The following FRMD6 variants were observed in gnomAD, a reference collection of about 807,000 sequenced individuals.
FRMD6 encodes FERM domain-containing protein 6.
A neutral mutation model predicts 73.2 loss-of-function variants in FRMD6; 37 were observed. That is an observed-to-expected ratio of 0.51 (90% CI 0.39 to 0.66). The LOEUF (loss-of-function observed/expected upper bound fraction) is 0.66. Ranked by LOEUF, FRMD6 falls within the 30% of genes least tolerant of loss-of-function variation. The pLI is 0.00. For missense variants in FRMD6, 714 were observed against 780.5 expected, an observed-to-expected ratio of 0.91 and a Z score of 1.02; for synonymous variants, 273 against 282.2, an observed-to-expected ratio of 0.97 and a Z score of 0.33.
intron 9 of FRMD6, among the ~76,000 whole-genome samples, chr14:51,712,925 A>G (rs1594773104): frequency 6.6e-6 from 1 of 152,234 alleles, no homozygotes; most frequent in South Asian, 2.1e-4. Flanking sequence ...AGCAAAGAAT[A>G]AAGAATTATA....
At chr14:51,651,409 A>T (rs1892363851), upstream of FRMD6, 2 of 152,164 alleles carry the variant, frequency 1.3e-5, no homozygotes, top group Non-Finnish European at 2.9e-5. Context: ...CTTTAGTAAG[A>T]CGACACTCAG....
intron 7 of FRMD6, among the ~76,000 whole-genome samples, chr14:51,710,761 T>G (rs1228485772): frequency 1.3e-5 from 2 of 152,174 alleles, no homozygotes; most frequent in Admixed American, 1.3e-4. Context: ...TTCATTTCTA[T>G]TTTGAACTTT....
the FRMD6 span, among the ~76,000 whole-genome samples, chr14:51,433,804 T>C: frequency 1.3e-5 from 2 of 152,212 alleles, no homozygotes; most frequent in Non-Finnish European, 2.9e-5. Context: ...CCCTCTCCCA[T>C]TATAATTAAT....
chr14:51,512,890 C>T (rs938677166), intron 1 of FRMD6, among the ~76,000 whole-genome samples: 2 of 152,218 alleles, frequency 1.3e-5, no homozygotes, highest in African/African-American at 4.8e-5. Context: ...GCCATGGCAG[C>T]ACTGACCACT....
At chr14:51,663,704 TTATC>T (rs1259721082) in intron 1 of FRMD6, among the ~76,000 whole-genome samples, 1 of 152,052 alleles carries the variant, frequency 6.6e-6, no homozygotes, top group Non-Finnish European at 1.5e-5. Flanking sequence ...TGACACAAGT[TTATC>T]TATATAACAA....
chr14:51,688,641 T>G (rs1201885940), intron 1 of FRMD6, among the ~76,000 whole-genome samples: 1 of 152,142 alleles, frequency 6.6e-6, no homozygotes, highest in African/African-American at 2.4e-5. Flanking sequence ...GTCCTACAAA[T>G]GTAGCTGGAA....
In FRMD6 at chr14:51,570,005, C is replaced by T. The variant is rs148233260; in HGVS notation, c.-209-343C>T. Among the ~76,000 whole-genome samples, 502 of 151,966 alleles carry T rather than the reference C, an allele frequency of 3.3e-3. 4 individuals are homozygous for T. The highest frequency in any genetic ancestry group is 0.011 in the African/African-American group (450 of 41,474). Reference sequence around the variant, plus strand: ...TAATTTTATGTATTTTTAGTAGAGACGGGGTTTCACCATGTTAGCCAGGAT... The same window carrying T: ...TAATTTTATGTATTTTTAGTAGAGATGGGGTTTCACCATGTTAGCCAGGAT... On this transcript the variant is annotated intron_variant, in intron 1 of 14. Coordinates refer to the FRMD6 transcript ENST00000356218.
At chr14:51,476,390 A>G in the FRMD6 span, among the ~76,000 whole-genome samples, 1 of 152,184 alleles carries the variant, frequency 6.6e-6, no homozygotes, top group African/African-American at 2.4e-5. Context: ...GGAGCAGGAG[A>G]GACCCCAACC....
chr14:51,567,124 A>G (rs1038466869), intron 1 of FRMD6, among the ~76,000 whole-genome samples: 5 of 152,216 alleles, frequency 3.3e-5, no homozygotes, highest in Non-Finnish European at 7.3e-5. Flanking sequence ...GTTCATGCAG[A>G]AACATAGGCC....
intron 1 of FRMD6, among the ~76,000 whole-genome samples, chr14:51,655,740 G>A (rs534423270): frequency 9.7e-4 from 148 of 152,230 alleles, no homozygotes; most frequent in African/African-American, 3.3e-3. Flanking sequence ...TGAGAAAAAA[G>A]GATCAGAATG....
chr14:51,533,010 A>G (rs1420335147), intron 1 of FRMD6, among the ~76,000 whole-genome samples: 2 of 152,212 alleles, frequency 1.3e-5, no homozygotes, highest in African/African-American at 4.8e-5. Context: ...ACTCTGAATA[A>G]TGTATCTTTA....
At chr14:51,579,161 G>C (rs960455268) in intron 2 of FRMD6, 4 of 152,080 alleles carry the variant, frequency 2.6e-5, no homozygotes, top group Admixed American at 1.3e-4. Context: ...AATATCCTCA[G>C]TTGAGTTTTC....
intron 7 of FRMD6, among the ~76,000 whole-genome samples, chr14:51,709,291 G>A (rs150035599): frequency 1.8e-3 from 279 of 152,288 alleles, no homozygotes; most frequent in African/African-American, 6.1e-3. Flanking sequence ...AAAGGGGACA[G>A]CAACATACCT....
intron 1 of FRMD6, among the ~76,000 whole-genome samples, chr14:51,522,309 C>A (rs187536200): frequency 1.3e-5 from 2 of 152,230 alleles, no homozygotes; most frequent in Admixed American, 1.3e-4. Context: ...TAAACAATAT[C>A]ATTTTTAGCT....
At chr14:51,686,000 T>A (rs182880868) in intron 1 of FRMD6, among the ~76,000 whole-genome samples, 2 of 152,214 alleles carry the variant, frequency 1.3e-5, no homozygotes, top group African/African-American at 4.8e-5. Flanking sequence ...TGTTGATACA[T>A]GCCTACTTAG....
intron 11 of FRMD6, 123 bp from the exon 12 acceptor site, chr14:51,721,826 G>A: frequency 9.4e-7 from 1 of 1,069,320 alleles, no homozygotes; most frequent in East Asian, 2.5e-5. Context: ...TCCTATTGGA[G>A]TCTCATTAGC....
chr14:51,687,690 G>A (rs538237502), intron 1 of FRMD6, among the ~76,000 whole-genome samples: 140 of 152,206 alleles, frequency 9.2e-4, no homozygotes, highest in Non-Finnish European at 1.8e-3. Flanking sequence ...ACAGTACTTT[G>A]CAAACCTATT....
Position 51,594,319 on chromosome 14 carries a change from T to TTTATTTAC in FRMD6, c.-147+23916_-147+23917insCTTATTTA, listed in dbSNP as rs1289628040. Among the ~76,000 whole-genome samples the TTTATTTAC allele has an allele frequency of 4.1e-5, 6 of 146,844 alleles. No homozygotes were observed. The East Asian group carries it at 1.2e-3, about 29-fold the overall frequency. On this transcript the variant is annotated intron_variant, in intron 2 of 14. Transcript: ENST00000356218. ...TTTGTATTTTATTTTTATTTATTTA[T>TTTATTTAC]TTATTTATTTATTTATTTATTTTTT...
the FRMD6 span, among the ~76,000 whole-genome samples, chr14:51,431,696 A>T: frequency 6.6e-6 from 1 of 152,202 alleles, no homozygotes; most frequent in Non-Finnish European, 1.5e-5. Context: ...GACTCCCCTT[A>T]GCTATTTTCC....
Sources: allele counts gnomAD v4.1 joint callset (sites outside exome capture counted in the v4.1 genomes callset), GRCh38; gene constraint gnomAD v4.1.1; transcripts MANE v1.5; gene names NCBI Gene and HGNC (gene_info 2026-07-23, HGNC 2026-07-21).